The following SH3RF2 variants were observed in gnomAD, a reference collection of about 807,000 sequenced individuals.
The protein encoded by SH3RF2 is SH3 domain containing ring finger 2.
In SH3RF2, 43 loss-of-function variants were observed where a neutral mutation model predicts 59.0. The observed-to-expected ratio is 0.73, with a 90% CI of 0.57 to 0.94. The LOEUF (loss-of-function observed/expected upper bound fraction) is 0.94. SH3RF2 is among the 40% of genes least tolerant of loss of function. SH3RF2 has a pLI of 0.00. For missense variants in SH3RF2, 930 were observed against 940.1 expected (o/e 0.99, Z 0.14); for synonymous variants, 391 against 391.5 (o/e 1.00, Z 0.01).
At chr5:145,997,348 T>A in intron 2 of SH3RF2, 1 of 1,162,958 alleles carries the variant, frequency 8.6e-7, no homozygotes, top group South Asian at 1.2e-5. Context: ...GCACCACCGC[T>A]CCAGTCTAAA....
intron 2 of SH3RF2, among the ~76,000 whole-genome samples, chr5:145,955,631 C>T (rs1230021079): frequency 6.6e-6 from 1 of 152,156 alleles, no homozygotes; most frequent in Non-Finnish European, 1.5e-5. Flanking sequence ...AGTACCAAAA[C>T]TTGTCAGAGA....
At chr5:146,002,787 C>T (rs1760481199) in intron 3 of SH3RF2, among the ~76,000 whole-genome samples, 1 of 152,330 alleles carries the variant, frequency 6.6e-6, no homozygotes, top group Admixed American at 6.5e-5. Flanking sequence ...CTATTGTGAA[C>T]TGCGCATGCA....
At chr5:145,981,635 GTC>G (rs1248640671) in intron 2 of SH3RF2, among the ~76,000 whole-genome samples, 1 of 152,128 alleles carries the variant, frequency 6.6e-6, no homozygotes, top group Non-Finnish European at 1.5e-5. Context: ...ATGTTCACCA[GTC>G]TCTGTGTTTC....
At chr5:146,006,492 G>A (rs115657586) in intron 4 of SH3RF2, among the ~76,000 whole-genome samples, 1,772 of 152,266 alleles carry the variant, frequency 0.012, 38 homozygotes, top group African/African-American at 0.04. Context: ...CAGGGCAGAA[G>A]GTCAACAAAT....
intron 5 of SH3RF2, among the ~76,000 whole-genome samples, chr5:146,024,178 C>T (rs1391135442): frequency 2.0e-5 from 3 of 152,216 alleles, no homozygotes; most frequent in Non-Finnish European, 4.4e-5. Context: ...AGTGATTGCA[C>T]CATTGTACAT....
chr5:146,045,695 T>C (rs548044165), intron 5 of SH3RF2, among the ~76,000 whole-genome samples: 3 of 152,362 alleles, frequency 2.0e-5, no homozygotes, highest in South Asian at 4.1e-4. Context: ...TTTCATTGTA[T>C]GGTTGTACCA....
chr5:146,028,443 G>A (rs1761620443), intron 5 of SH3RF2, among the ~76,000 whole-genome samples: 1 of 152,200 alleles, frequency 6.6e-6, no homozygotes, highest in East Asian at 1.9e-4. Flanking sequence ...ACACAGACCT[G>A]TTAGGAGATG....
intron 5 of SH3RF2, among the ~76,000 whole-genome samples, chr5:146,035,495 CA>C (rs1761903735): frequency 6.6e-6 from 1 of 152,010 alleles, no homozygotes; most frequent in South Asian, 2.1e-4. Context: ...TAGGGCCAGG[CA>C]GGTTAAATAA....
intron 2 of SH3RF2, among the ~76,000 whole-genome samples, chr5:145,982,656 G>C (rs1186489059): frequency 6.6e-6 from 1 of 152,214 alleles, no homozygotes; most frequent in Admixed American, 6.5e-5. Flanking sequence ...ACTGAGATCA[G>C]TGGTGGGCTG....
chr5:145,962,621 C>T (rs1758672485), intron 2 of SH3RF2, among the ~76,000 whole-genome samples: 1 of 152,060 alleles, frequency 6.6e-6, no homozygotes, highest in African/African-American at 2.4e-5. Flanking sequence ...CTACCTCATC[C>T]TCCCCTTCTA....
chr5:145,996,064 C>T (rs1470393819), intron 2 of SH3RF2, among the ~76,000 whole-genome samples: 2 of 152,148 alleles, frequency 1.3e-5, no homozygotes, highest in African/African-American at 4.8e-5. Flanking sequence ...GGTTTTTTCA[C>T]CCCTGGGGTC....
At chr5:146,068,701 C>T (rs543848225) in intron 9 of SH3RF2, among the ~76,000 whole-genome samples, 1 of 152,242 alleles carries the variant, frequency 6.6e-6, no homozygotes, top group South Asian at 2.1e-4. Flanking sequence ...TGTCCTAGAC[C>T]AAAGCAGAAA....
chr5:145,970,114 T>C, intron 2 of SH3RF2, among the ~76,000 whole-genome samples: 1 of 152,204 alleles, frequency 6.6e-6, no homozygotes. Context: ...TCACAGATTA[T>C]TGTTCCATTT....
At chr5:146,003,486 A>G (rs1284545854) in intron 3 of SH3RF2, among the ~76,000 whole-genome samples, 1 of 152,200 alleles carries the variant, frequency 6.6e-6, no homozygotes, top group African/African-American at 2.4e-5. Context: ...AAGAATCTGG[A>G]AAAAATGTGT....
At chr5:146,002,365 C>T (rs1488564462) in intron 3 of SH3RF2, among the ~76,000 whole-genome samples, 1 of 151,978 alleles carries the variant, frequency 6.6e-6, no homozygotes, top group Non-Finnish European at 1.5e-5. Context: ...GCAGGAGAAT[C>T]GCTTGAACCC....
intron 5 of SH3RF2, among the ~76,000 whole-genome samples, chr5:146,041,485 G>A (rs1385362664): frequency 6.6e-6 from 1 of 152,164 alleles, no homozygotes; most frequent in Admixed American, 6.5e-5. Flanking sequence ...GACCCAATAA[G>A]GTCCACACAC....
Position 145,937,943 on chromosome 5 carries a change from G to A in SH3RF2, c.15G>A (p.Thr5=), listed in dbSNP as rs770011929. 1.7e-5 allele frequency: 28 copies of A among 1,612,994 alleles called. 1 individual carries two copies. The highest frequency in any genetic ancestry group is 3.3e-4 in the Middle Eastern group (2 of 6,068). Residue 5 remains threonine (T), a synonymous_variant, in exon 2 of 10, where the codon ACG becomes ACA. Coordinates refer to ENST00000359120, the MANE Select transcript of SH3RF2 (RefSeq NM_152550.4). ...TTTGAAATAAAATGGATGATTTGAC[G>A]TTACTTGATCTTCTGGAGTGCCCTG... MDDL[T]LLDLLECPVC... is the part of the protein sequence containing the mutation.
Position 146,062,996 on chromosome 5 carries a change from G to A in SH3RF2, c.*295G>A, listed in dbSNP as rs1048104601. The stretch of plus-strand genomic sequence containing the variant: ...TTTATGCCCCAGCATGGAGTATGTG[G>A]CCTCTTGTCATCCCCGTGTTACTGT... On this transcript the variant is annotated 3_prime_UTR_variant, in exon 10 of 10. Transcript: ENST00000359120. The A allele has an allele frequency of 1.4e-5, 6 of 423,692 alleles. No homozygotes were observed. The highest frequency in any genetic ancestry group is 2.1e-5 in the Non-Finnish European group (5 of 235,262). 26.2% of individuals were successfully genotyped at this position (423,692 alleles called of 1,614,324 possible).
chr5:146,019,587 A>C (rs1761232637), intron 5 of SH3RF2, among the ~76,000 whole-genome samples: 1 of 151,994 alleles, frequency 6.6e-6, no homozygotes, highest in Non-Finnish European at 1.5e-5. Context: ...TGCTTTGACT[A>C]TTTGGGCTCT....
Sources: allele counts gnomAD v4.1 joint callset (sites outside exome capture counted in the v4.1 genomes callset), GRCh38; gene constraint gnomAD v4.1.1; transcripts MANE v1.5; gene names NCBI Gene and HGNC (gene_info 2026-07-23, HGNC 2026-07-21).